STRBP: variants seen among roughly 807,000 people sequenced by gnomAD.
The protein encoded by STRBP is spermatid perinuclear RNA binding protein.
STRBP carries 13 observed loss-of-function variants against 80.1 expected under a neutral mutation model. That is an observed-to-expected ratio of 0.16 (90% CI 0.11 to 0.26). The LOEUF (loss-of-function observed/expected upper bound fraction) is 0.26, where lower values mean the gene tolerates loss of function less well. Ranked by LOEUF, STRBP falls within the 10% of genes least tolerant of loss-of-function variation. The pLI is 1.00. For missense variants in STRBP, 485 were observed against 815.2 expected, an observed-to-expected ratio of 0.59 and a Z score of 4.93; for synonymous variants, 284 against 291.2, an observed-to-expected ratio of 0.98 and a Z score of 0.25.
intron 13 of STRBP, among the ~76,000 whole-genome samples, chr9:123,146,020 C>T (rs113561319): frequency 2.0e-5 from 3 of 150,230 alleles, no homozygotes; most frequent in African/African-American, 7.4e-5. Context: ...ACTGCTATAT[C>T]CCCAGTATCT....
intron 11 of STRBP, among the ~76,000 whole-genome samples, chr9:123,154,992 C>T (rs2037218952): frequency 6.6e-6 from 1 of 152,036 alleles, no homozygotes; most frequent in South Asian, 2.1e-4. Context: ...GAGGAACTGA[C>T]GCTGGTGAGA....
chr9:123,122,783 TA>T lies in STRBP; in HGVS notation c.*2813del, dbSNP rs1200993484. 1 of 991,342 alleles carries T rather than the reference TA, an allele frequency of 1.0e-6. No homozygotes were observed. Among genetic ancestry groups the T allele is most frequent in the Non-Finnish European group, 1.2e-6 (1 of 833,962 alleles). The allele number at this position is 991,342 out of a possible 1,614,324, so 61.4% of individuals were successfully genotyped here. A position where few individuals can be genotyped will look rare whatever the true frequency, so the allele number is the denominator to read the frequency against. Reference sequence around the variant, plus strand: ...ACGCTAACTGACGCAGTCAGGAATGTAACTATTTATGTGCTAAAAAGTGTAA... The same window carrying T: ...ACGCTAACTGACGCAGTCAGGAATGTACTATTTATGTGCTAAAAAGTGTAA... On this transcript the variant is annotated 3_prime_UTR_variant, in exon 19 of 19. Coordinates refer to ENST00000348403, the MANE Select transcript of STRBP (RefSeq NM_018387.5).
At chr9:123,212,359 A>C (rs180682101) in intron 2 of STRBP, among the ~76,000 whole-genome samples, 1 of 152,222 alleles carries the variant, frequency 6.6e-6, no homozygotes, top group African/African-American at 2.4e-5. Flanking sequence ...AATGATTTTC[A>C]TATGTAAAAT....
intron 2 of STRBP, among the ~76,000 whole-genome samples, chr9:123,185,924 C>T (rs2038678453): frequency 6.7e-6 from 1 of 149,336 alleles, no homozygotes; most frequent in South Asian, 2.1e-4. Context: ...CCCAGCTACT[C>T]GGGAGGCTGA....
intron 2 of STRBP, among the ~76,000 whole-genome samples, chr9:123,201,995 G>A (rs1564293849): frequency 6.6e-6 from 1 of 152,150 alleles, no homozygotes; most frequent in Non-Finnish European, 1.5e-5. Flanking sequence ...ATTATATAGT[G>A]ACTATATTTG....
chr9:123,250,507 T>C (rs888640913), intron 1 of STRBP, among the ~76,000 whole-genome samples: 1 of 152,168 alleles, frequency 6.6e-6, no homozygotes, highest in Non-Finnish European at 1.5e-5. Flanking sequence ...TAAAAGGGTC[T>C]ATAGTTAAAA....
At chr9:123,128,353 C>A (rs554891090) in intron 17 of STRBP, 95 bp from the exon 18 acceptor site, 2 of 1,379,086 alleles carry the variant, frequency 1.5e-6, no homozygotes, top group Admixed American at 1.7e-5. Flanking sequence ...ACCCTGGGCC[C>A]GGAGGACTTC....
chr9:123,265,652 T>G (rs1345411040), intron 1 of STRBP, among the ~76,000 whole-genome samples: 1 of 152,174 alleles, frequency 6.6e-6, no homozygotes, highest in Admixed American at 6.5e-5. Context: ...TGAATGAGAC[T>G]TGCACTGAAA....
intron 2 of STRBP, among the ~76,000 whole-genome samples, chr9:123,223,253 G>T (rs1035435658): frequency 6.6e-6 from 1 of 152,118 alleles, no homozygotes; most frequent in African/African-American, 2.4e-5. Context: ...GATTTTTAAA[G>T]CATGAAAGTA....
chr9:123,154,859 G>A (rs7032325), intron 11 of STRBP, among the ~76,000 whole-genome samples: 23,411 of 152,196 alleles, frequency 0.15, 4,736 homozygotes, highest in African/African-American at 0.47. Flanking sequence ...TTATAAAGAG[G>A]AGAGAAATGC....
intron 1 of STRBP, among the ~76,000 whole-genome samples, chr9:123,241,123 G>A (rs2040684939): frequency 6.7e-6 from 1 of 149,636 alleles, no homozygotes; most frequent in Non-Finnish European, 1.5e-5. Flanking sequence ...AGGTTGCGGT[G>A]AGCCAAGATC....
chr9:123,147,037 T>C lies in STRBP; in HGVS notation c.1156A>G (p.Ile386Val), dbSNP rs1484786521. 6 of 1,613,780 alleles carry C rather than the reference T, an allele frequency of 3.7e-6. No homozygotes were observed. Among genetic ancestry groups the C allele is most frequent in the Non-Finnish European group, 5.1e-6 (6 of 1,179,850 alleles). The change falls in exon 13 of 19, where the codon ATA (isoleucine) becomes GTA (valine). Residue 386 changes from isoleucine to valine, a missense_variant. Coordinates refer to ENST00000348403, the MANE Select transcript of STRBP (RefSeq NM_018387.5). ...CTCATTAGTGCATTCATAAGGTCTA[T>C]TGCTTTACTATCCAGAACTGTTAAA... ...NLRKILDSKA[I>V]DLMNALMRLN...
At chr9:123,257,417 A>AACAAAC (rs1436344891) in intron 1 of STRBP, among the ~76,000 whole-genome samples, 1 of 147,656 alleles carries the variant, frequency 6.8e-6, no homozygotes, top group Non-Finnish European at 1.5e-5. Context: ...AAAACACACA[A>AACAAAC]ACACACACAC....
intron 2 of STRBP, among the ~76,000 whole-genome samples, chr9:123,186,125 T>C (rs2038688902): frequency 6.6e-6 from 1 of 151,518 alleles, no homozygotes; most frequent in Non-Finnish European, 1.5e-5. Context: ...GGAGGATCAC[T>C]TGAGCCTAGG....
chr9:123,112,752 C>CCAG (rs2035587835), intron 3 of STRBP: 1 of 167,164 alleles, frequency 6.0e-6, no homozygotes, highest in African/African-American at 2.4e-5. Context: ...AGACGAGAGG[C>CCAG]CAGCACCTCT....
intron 5 of STRBP, among the ~76,000 whole-genome samples, chr9:123,171,794 G>A (rs564657949): frequency 7.2e-5 from 11 of 152,212 alleles, no homozygotes; most frequent in South Asian, 2.1e-4. Flanking sequence ...ACAGCATTTC[G>A]AAGACCTAAA....
chr9:123,254,928 G>A (rs1239690954), intron 1 of STRBP, among the ~76,000 whole-genome samples: 1 of 152,180 alleles, frequency 6.6e-6, no homozygotes, highest in South Asian at 2.1e-4. Context: ...CCTTCTAAAC[G>A]TAGCCGGTGA....
At chr9:123,183,655 C>G (rs1359573066) in intron 3 of STRBP, among the ~76,000 whole-genome samples, 2 of 151,980 alleles carry the variant, frequency 1.3e-5, no homozygotes, top group Non-Finnish European at 2.9e-5. Flanking sequence ...AATTCAGTGC[C>G]CCTACTATAC....
intron 1 of STRBP, among the ~76,000 whole-genome samples, chr9:123,241,377 C>T (rs1178146066): frequency 6.6e-6 from 1 of 151,778 alleles, no homozygotes; most frequent in Non-Finnish European, 1.5e-5. Context: ...TGTGGTGGTG[C>T]GCACGCCTAC....
Sources: allele counts gnomAD v4.1 joint callset (sites outside exome capture counted in the v4.1 genomes callset), GRCh38; gene constraint gnomAD v4.1.1; transcripts MANE v1.5; gene names NCBI Gene and HGNC (gene_info 2026-07-23, HGNC 2026-07-21).